Variants in TAOK3 observed in about 807,000 individuals in gnomAD.
TAOK3 encodes serine/threonine-protein kinase TAO3.
In TAOK3, 40 loss-of-function variants were observed where a neutral mutation model predicts 120.4. The ratio of observed to expected loss-of-function variants is 0.33; its 90% CI spans 0.26 to 0.43. The LOEUF is 0.43. Among genes scored for constraint, TAOK3 ranks in the 20% least tolerant of loss-of-function variants. TAOK3 has a pLI of 1.00. For missense variants in TAOK3, 821 were observed against 1,112.1 expected (o/e 0.74, Z 3.72); for synonymous variants, 355 against 387.5 (o/e 0.92, Z 0.99).
In TAOK3 at chr12:118,214,055, A is replaced by T; in HGVS notation, c.699T>A (p.Ile233=). Residue 233 remains isoleucine (I), a synonymous_variant, in exon 10 of 21, where the codon ATT becomes ATA. Coordinates refer to ENST00000392533, the MANE Select transcript of TAOK3 (RefSeq NM_016281.4). ...NMNAMSALYH[I]AQNDSPTLQS... ...GTAACGTTGGGGAGTCATTCTGGGC[A>T]ATGTGATATAAGGCACTCATTGCAT... 6.2e-7 allele frequency: 1 copy of T among 1,610,664 alleles called. No homozygotes were observed. Among genetic ancestry groups the T allele is most frequent in the African/African-American group, 1.3e-5 (1 of 74,728 alleles).
chr12:118,357,098 T>C, intron 1 of TAOK3, among the ~76,000 whole-genome samples: 1 of 152,192 alleles, frequency 6.6e-6, no homozygotes, highest in East Asian at 1.9e-4. Context: ...ATTCATAAGA[T>C]ACTTCTAAAA....
In TAOK3 at chr12:118,219,770, C is replaced by CTTT. The variant is rs35568926; in HGVS notation, c.644-5663_644-5661dup. ...CCATTAAGTCCAGCTACTTTTTTGG[C>CTTT]TTTTTTTTTTTTTTTTTTTTTTTTT... On this transcript the variant is annotated intron_variant, in intron 9 of 20. Transcript: ENST00000392533. 8.3e-4 allele frequency among the ~76,000 whole-genome samples: 49 copies of CTTT among 58,852 alleles called. 1 individual carries two copies. The highest frequency in any genetic ancestry group is 1.7e-3 in the Admixed American group (6 of 3,596). 38.6% of individuals were successfully genotyped at this position (58,852 alleles called of 152,430 possible).
intron 1 of TAOK3, among the ~76,000 whole-genome samples, chr12:118,277,871 T>C (rs2041958325): frequency 6.6e-6 from 1 of 152,168 alleles, no homozygotes; most frequent in Non-Finnish European, 1.5e-5. Flanking sequence ...GGTCTATAGA[T>C]TTACTTGAAA....
intron 1 of TAOK3, among the ~76,000 whole-genome samples, chr12:118,296,472 T>G (rs1376970062): frequency 6.6e-6 from 1 of 152,136 alleles, no homozygotes; most frequent in Admixed American, 6.5e-5. Flanking sequence ...TGAACACAAC[T>G]TTTCTGAATT....
At chr12:118,285,976 T>C (rs1175832252) in intron 1 of TAOK3, among the ~76,000 whole-genome samples, 2 of 152,178 alleles carry the variant, frequency 1.3e-5, no homozygotes, top group Non-Finnish European at 2.9e-5. Context: ...AAGAGACTAA[T>C]GGTTGCATTC....
chr12:118,327,050 A>G (rs1040914455), intron 1 of TAOK3, among the ~76,000 whole-genome samples: 12 of 152,190 alleles, frequency 7.9e-5, no homozygotes, highest in African/African-American at 2.9e-4. Context: ...TAACTACATG[A>G]TTATTGCAAA....
At chr12:118,211,575 CTTAACTT>C (rs1172019928) in intron 11 of TAOK3, among the ~76,000 whole-genome samples, 2 of 149,216 alleles carry the variant, frequency 1.3e-5, no homozygotes, top group Admixed American at 1.3e-4. Context: ...GTCTGTAACC[CTTAACTT>C]TTAACATCGC....
At chr12:118,279,452 A>C (rs1184884301) in intron 1 of TAOK3, among the ~76,000 whole-genome samples, 1 of 150,386 alleles carries the variant, frequency 6.6e-6, no homozygotes, top group Non-Finnish European at 1.5e-5. Context: ...TTTTTTTTGC[A>C]ATTGCTTTTG....
chr12:118,332,467 C>A (rs1162004883), intron 1 of TAOK3, among the ~76,000 whole-genome samples: 1 of 152,128 alleles, frequency 6.6e-6, no homozygotes, highest in African/African-American at 2.4e-5. Context: ...AGTACAACTA[C>A]AGAAATCTTT....
intron 1 of TAOK3, among the ~76,000 whole-genome samples, chr12:118,364,227 T>C (rs2045684849): frequency 6.6e-6 from 1 of 152,088 alleles, no homozygotes; most frequent in Non-Finnish European, 1.5e-5. Context: ...TTTGAACATG[T>C]GAGTGTCAAA....
At chr12:118,300,809 T>C (rs1184478826) in intron 1 of TAOK3, among the ~76,000 whole-genome samples, 1 of 152,132 alleles carries the variant, frequency 6.6e-6, no homozygotes, top group Non-Finnish European at 1.5e-5. Context: ...GGAGTCTTGC[T>C]CTATTGTCCA....
intron 19 of TAOK3, among the ~76,000 whole-genome samples, chr12:118,154,519 A>C (rs2034668220): frequency 1.3e-5 from 2 of 152,186 alleles, no homozygotes; most frequent in South Asian, 4.1e-4. Flanking sequence ...AGCTCACTGC[A>C]ACCTCCTTCT....
At chr12:118,184,151 C>T (rs2036935447) in intron 14 of TAOK3, among the ~76,000 whole-genome samples, 1 of 152,164 alleles carries the variant, frequency 6.6e-6, no homozygotes, top group African/African-American at 2.4e-5. Flanking sequence ...GAATGCTTCC[C>T]ATAATGTGGA....
intron 1 of TAOK3, among the ~76,000 whole-genome samples, chr12:118,331,409 C>T (rs1041070537): frequency 6.6e-6 from 1 of 152,076 alleles, no homozygotes; most frequent in East Asian, 1.9e-4. Flanking sequence ...CTTTGGGAGG[C>T]CGAGGTAGGT....
intron 1 of TAOK3, among the ~76,000 whole-genome samples, chr12:118,327,035 C>A (rs1593556822): frequency 6.6e-6 from 1 of 152,270 alleles, no homozygotes; most frequent in East Asian, 1.9e-4. Flanking sequence ...ACATATCAGT[C>A]TAAATAACTA....
rs538874701 is a variant in TAOK3, at chr12:118,207,079, C to A, written c.820-5616G>T. 1.8e-3 allele frequency among the ~76,000 whole-genome samples: 270 copies of A among 152,236 alleles called. 1 individual carries two copies. The highest frequency in any genetic ancestry group is 0.014 in the Middle Eastern group (4 of 294). ...CGGTGGGTCATGCCTGTAATCCCAG[C>A]ACCTTGGGAGGCCGAGGAGGGTGGA... On this transcript the variant is annotated intron_variant, in intron 11 of 20. Transcript: ENST00000392533.
At chr12:118,216,411 C>T (rs559452970) in intron 9 of TAOK3, among the ~76,000 whole-genome samples, 25 of 152,292 alleles carry the variant, frequency 1.6e-4, no homozygotes, top group African/African-American at 6.0e-4. Flanking sequence ...ATCATATCTA[C>T]ATCATCATAC....
chr12:118,356,120 A>G (rs2045380595), intron 1 of TAOK3, among the ~76,000 whole-genome samples: 3 of 152,018 alleles, frequency 2.0e-5, no homozygotes, highest in Admixed American at 6.6e-5. Flanking sequence ...AGCTTCCTTG[A>G]CTCACTTCCA....
intron 15 of TAOK3, among the ~76,000 whole-genome samples, chr12:118,180,240 G>A (rs2036625208): frequency 1.4e-5 from 2 of 144,214 alleles, no homozygotes; most frequent in Non-Finnish European, 3.0e-5. Flanking sequence ...GAGCCACTGT[G>A]CCTGGCCTTT....
Sources: gnomAD v4.1 joint callset for allele counts (sites outside exome capture counted in the v4.1 genomes callset) on GRCh38, gnomAD v4.1.1 for gene constraint, MANE v1.5 for transcripts, NCBI Gene and HGNC (gene_info 2026-07-23, HGNC 2026-07-21) for gene names.